RBL1: variants seen among roughly 807,000 people sequenced by gnomAD.
RBL1 encodes retinoblastoma-like protein 1.
Under a neutral mutation model 123.0 loss-of-function variants are expected in RBL1, and 82 were observed. The observed-to-expected ratio is 0.67, with a 90% confidence interval of 0.56 to 0.80. The LOEUF (loss-of-function observed/expected upper bound fraction) is 0.80, where lower values mean the gene tolerates loss of function less well. RBL1 is among the 30% of genes least tolerant of loss of function. The probability of loss-of-function intolerance (pLI) is 0.00; values close to 1 mark genes in which losing one functional copy is unlikely to be tolerated. For synonymous variants in RBL1, 405 were observed against 441.3 expected (o/e 0.92, Z 1.03); for missense variants, 1,171 against 1,299.6 (o/e 0.90, Z 1.52).
chr20:37,007,009 G>C (rs1011553867), intron 20 of RBL1, among the ~76,000 whole-genome samples: 1 of 151,960 alleles, frequency 6.6e-6, no homozygotes. Context: ...CACTTTAGGA[G>C]GCTGAGGTGG....
chr20:36,999,825 G>A (rs1359305540), intron 21 of RBL1, among the ~76,000 whole-genome samples: 5 of 152,210 alleles, frequency 3.3e-5, no homozygotes, highest in African/African-American at 1.2e-4. Flanking sequence ...GTGCAGTGGC[G>A]TGATCTCGGC....
chr20:37,005,092 G>A (rs1225605771), intron 20 of RBL1, among the ~76,000 whole-genome samples: 1 of 151,894 alleles, frequency 6.6e-6, no homozygotes, highest in Non-Finnish European at 1.5e-5. Context: ...CCACGAGCAT[G>A]AGAACCTCAT....
At chr20:37,001,472 T>C (rs1399512708) in intron 21 of RBL1, among the ~76,000 whole-genome samples, 2 of 151,398 alleles carry the variant, frequency 1.3e-5, no homozygotes, top group African/African-American at 4.8e-5. Context: ...CCCAACCCTG[T>C]GCTCTCTGAA....
chr20:37,016,597 G>T (rs2064257574), intron 19 of RBL1, among the ~76,000 whole-genome samples: 1 of 152,078 alleles, frequency 6.6e-6, no homozygotes, highest in African/African-American at 2.4e-5. Context: ...TAAAGATTAA[G>T]CTACAAATGA....
chr20:37,025,741 C>G (rs990120084), intron 16 of RBL1, among the ~76,000 whole-genome samples: 2 of 147,444 alleles, frequency 1.4e-5, no homozygotes, highest in Non-Finnish European at 3.0e-5. Context: ...CTTGAAGGGA[C>G]CTGGGTTTTT....
Position 37,055,586 on chromosome 20 carries a change from C to G in RBL1, c.1434G>C (p.Gln478His). 6.2e-7 allele frequency: 1 copy of G among 1,614,108 alleles called. No homozygotes were observed. Among genetic ancestry groups the G allele is most frequent in the Non-Finnish European group, 8.5e-7 (1 of 1,180,024 alleles). ...YYKILETVMV[Q>H]ETRRLHGMDM... Reference sequence around the variant, plus strand: ...CCATTCCATGAAGTCTTCGTGTTTCCTGAACCATTACAGTCTCTAGTATTT... The same window carrying G: ...CCATTCCATGAAGTCTTCGTGTTTCGTGAACCATTACAGTCTCTAGTATTT... Residue 478 changes from glutamine to histidine, a missense_variant, in exon 11 of 22, where the codon CAG (glutamine) becomes CAC (histidine). Transcript: ENST00000373664.
intron 16 of RBL1, among the ~76,000 whole-genome samples, chr20:37,031,423 T>C (rs1435887404): frequency 6.6e-6 from 1 of 152,162 alleles, no homozygotes; most frequent in Non-Finnish European, 1.5e-5. Context: ...GATATATAGA[T>C]GGGCAAAAGC....
chr20:37,066,088 G>C (rs1267817490), intron 6 of RBL1, among the ~76,000 whole-genome samples: 2 of 152,164 alleles, frequency 1.3e-5, no homozygotes, highest in Non-Finnish European at 2.9e-5. Context: ...TATTTGAAAA[G>C]TGGGATCCAT....
At position 37,035,497 on chromosome 20, in the gene RBL1, A is replaced by G. The variant is rs1209270093; in HGVS notation, c.1915T>C (p.Leu639=). The G allele has an allele frequency of 6.4e-7, 1 of 1,568,724 alleles. No homozygotes were observed. Among genetic ancestry groups the G allele is most frequent in the Admixed American group, 2.0e-5 (1 of 49,616 alleles). Residue 639 remains leucine, a synonymous_variant, in exon 15 of 22, where the codon TTG becomes CTG. Coordinates refer to ENST00000373664, the MANE Select transcript of RBL1 (RefSeq NM_002895.5). ...SGSLRRDMQP[L]SPISVHERYS... The stretch of plus-strand genomic sequence containing the variant: ...CGTTCATGGACAGAAATTGGAGACA[A>G]TGGTTGCATATCTAAAAAAAAATAA...
chr20:37,016,890 G>T (rs897094942), intron 19 of RBL1, among the ~76,000 whole-genome samples: 1 of 114,012 alleles, frequency 8.8e-6, no homozygotes, highest in Admixed American at 1.2e-4. Context: ...TCTCAGAAAA[G>T]AAAAGAAAAG....
intron 16 of RBL1, among the ~76,000 whole-genome samples, chr20:37,025,602 A>G (rs2064406329): frequency 6.6e-6 from 1 of 151,952 alleles, no homozygotes; most frequent in African/African-American, 2.4e-5. Flanking sequence ...AACTTCTAGG[A>G]CAGGTTCTGA....
intron 16 of RBL1, among the ~76,000 whole-genome samples, chr20:37,030,436 T>C: frequency 6.6e-6 from 1 of 152,140 alleles, no homozygotes; most frequent in East Asian, 1.9e-4. Flanking sequence ...AAAATTAAAA[T>C]GGGCTGGGCG....
At chr20:37,086,073 AC>A (rs1168299761) in intron 2 of RBL1, among the ~76,000 whole-genome samples, 1 of 152,094 alleles carries the variant, frequency 6.6e-6, no homozygotes. Context: ...GTACTGCTCT[AC>A]ATTTGTTTTG....
At chr20:37,054,576 T>A (rs1398266051) in intron 11 of RBL1, among the ~76,000 whole-genome samples, 1 of 152,022 alleles carries the variant, frequency 6.6e-6, no homozygotes, top group Non-Finnish European at 1.5e-5. Flanking sequence ...ATGGCTGTAA[T>A]CCTAGCACTT....
intron 19 of RBL1, among the ~76,000 whole-genome samples, chr20:37,010,569 G>A (rs2146208139): frequency 6.6e-6 from 1 of 152,172 alleles, no homozygotes; most frequent in Middle Eastern, 3.4e-3. Flanking sequence ...TGCTCCTAAG[G>A]TACAAACCTG....
intron 15 of RBL1, among the ~76,000 whole-genome samples, chr20:37,034,276 T>G (rs2064566810): frequency 6.6e-6 from 1 of 152,210 alleles, no homozygotes; most frequent in Non-Finnish European, 1.5e-5. Flanking sequence ...TTCGGTTTTG[T>G]TTTTATACTT....
At chr20:37,043,807 C>T (rs2064771877) in intron 13 of RBL1, among the ~76,000 whole-genome samples, 1 of 151,980 alleles carries the variant, frequency 6.6e-6, no homozygotes, top group African/African-American at 2.4e-5. Flanking sequence ...CTAGAATAGG[C>T]AAATTTATGG....
chr20:37,058,670 C>T (rs977686656), intron 9 of RBL1, among the ~76,000 whole-genome samples: 3 of 151,964 alleles, frequency 2.0e-5, no homozygotes, highest in African/African-American at 4.8e-5. Flanking sequence ...CTCTCAAAGT[C>T]CTGGGATTAC....
chr20:37,022,732 AAT>A lies in RBL1; in HGVS notation c.2475_2476del (p.Glu825AspfsTer8). 3 of 1,614,112 alleles carry A rather than the reference AAT, an allele frequency of 1.9e-6. No individual in the cohort carries two copies. The highest frequency in any genetic ancestry group is 2.5e-6 in the Non-Finnish European group (3 of 1,179,930). On this transcript the variant is annotated frameshift_variant, in exon 17 of 22. Transcript: ENST00000373664. LOFTEE classifies it high-confidence loss of function. ...TAGATCAGGACAGTGAACTAAAGTGAATTCAAAACACGTCCATATCTTCCTTC... is the reference window on the plus strand; with the variant it reads ...TAGATCAGGACAGTGAACTAAAGTGATCAAAACACGTCCATATCTTCCTTC...
Sources: gnomAD v4.1 joint callset for allele counts (sites outside exome capture counted in the v4.1 genomes callset) on GRCh38, gnomAD v4.1.1 for gene constraint, MANE v1.5 for transcripts, NCBI Gene and HGNC (gene_info 2026-07-23, HGNC 2026-07-21) for gene names.